Variants in EIF2B3 observed in about 807,000 individuals in gnomAD.
EIF2B3 encodes the protein eukaryotic translation initiation factor 2B subunit gamma.
In EIF2B3, 20 loss-of-function variants were observed where a neutral mutation model predicts 54.1. That is an observed-to-expected ratio of 0.37 (90% CI 0.26 to 0.54). EIF2B3 has a LOEUF of 0.54. EIF2B3 is among the 20% of genes least tolerant of loss of function. EIF2B3 has a pLI of 0.86. For synonymous variants in EIF2B3, 153 were observed against 188.1 expected, an observed-to-expected ratio of 0.81 and a Z score of 1.52; for missense variants, 448 against 547.8, an observed-to-expected ratio of 0.82 and a Z score of 1.82.
chr1:44,878,722 T>C (rs994370095), intron 8 of EIF2B3, among the ~76,000 whole-genome samples: 5 of 151,998 alleles, frequency 3.3e-5, no homozygotes, highest in African/African-American at 1.2e-4. Context: ...GCCACCCCAA[T>C]GTAGTTCCCT....
intron 8 of EIF2B3, 94 bp from the exon 9 acceptor site, chr1:44,875,789 A>C: frequency 3.1e-6 from 3 of 959,732 alleles, no homozygotes; most frequent in African/African-American, 1.6e-5. Flanking sequence ...CCCCCTCCCC[A>C]CGGTCTCCCT....
At chr1:44,880,033 GAAAT>G (rs1655339760) in intron 7 of EIF2B3, 25 bp from the exon 8 acceptor site, 1 of 1,611,564 alleles carries the variant, frequency 6.2e-7, no homozygotes, top group Non-Finnish European at 8.5e-7. Context: ...CCCAACCAAG[GAAAT>G]AAATGAGAGA....
At chr1:44,898,859 T>A (rs1314310040) in intron 5 of EIF2B3, among the ~76,000 whole-genome samples, 1 of 152,070 alleles carries the variant, frequency 6.6e-6, no homozygotes, top group Non-Finnish European at 1.5e-5. Flanking sequence ...GCTGGCTAAT[T>A]TTTTTTATTT....
intron 7 of EIF2B3, 139 bp from the exon 8 acceptor site, chr1:44,880,147 CT>C: frequency 1.1e-6 from 1 of 876,038 alleles, no homozygotes; most frequent in Non-Finnish European, 1.8e-6. Context: ...AACTCCCAGA[CT>C]CAAGGGATCC....
chr1:44,976,500 T>C (rs1351228373), intron 3 of EIF2B3, among the ~76,000 whole-genome samples: 4 of 152,208 alleles, frequency 2.6e-5, no homozygotes, highest in Admixed American at 2.0e-4. Context: ...AAACTGTTGA[T>C]GAAAGTATAA....
intron 6 of EIF2B3, among the ~76,000 whole-genome samples, chr1:44,884,806 T>G (rs1655522271): frequency 6.6e-6 from 1 of 152,126 alleles, no homozygotes; most frequent in African/African-American, 2.4e-5. Context: ...GAACTGTCAC[T>G]GCAAGAGGCA....
chr1:44,901,120 A>AT (rs920893030), intron 5 of EIF2B3, among the ~76,000 whole-genome samples: 47 of 147,596 alleles, frequency 3.2e-4, no homozygotes, highest in Non-Finnish European at 3.9e-4. Context: ...TGAAAAAAAA[A>AT]TTTTTTTTTT....
At chr1:44,871,821 T>A (rs1172493096) in intron 10 of EIF2B3, among the ~76,000 whole-genome samples, 1 of 150,560 alleles carries the variant, frequency 6.6e-6, no homozygotes, top group Non-Finnish European at 1.5e-5. Flanking sequence ...TGAGCTAAGA[T>A]CAAAATAGGG....
chr1:44,934,576 C>T (rs1334103789), intron 4 of EIF2B3, among the ~76,000 whole-genome samples: 1 of 151,746 alleles, frequency 6.6e-6, no homozygotes, highest in East Asian at 1.9e-4. Context: ...GTGATCCCAG[C>T]TCACTACAAC....
intron 4 of EIF2B3, among the ~76,000 whole-genome samples, chr1:44,935,748 A>G (rs72676550): frequency 0.17 from 25,845 of 152,112 alleles, 2,303 homozygotes; most frequent in Non-Finnish European, 0.18. Flanking sequence ...TGATCCTCCC[A>G]CCTTGGCCTC....
intron 4 of EIF2B3, among the ~76,000 whole-genome samples, chr1:44,929,345 T>C (rs1229488895): frequency 6.6e-6 from 1 of 152,326 alleles, no homozygotes; most frequent in East Asian, 1.9e-4. Context: ...ACCAAATATA[T>C]GATTCAATTG....
At chr1:44,870,176 AAGAGAGAG>A (rs57863923) in intron 10 of EIF2B3, among the ~76,000 whole-genome samples, 79 of 146,208 alleles carry the variant, frequency 5.4e-4, no homozygotes, top group Non-Finnish European at 6.9e-4. Context: ...CGTCTCAAAA[AAGAGAGAG>A]AGAGAGAGAG....
At chr1:44,892,979 C>T (rs1193535266) in intron 6 of EIF2B3, among the ~76,000 whole-genome samples, 1 of 152,200 alleles carries the variant, frequency 6.6e-6, no homozygotes, top group Non-Finnish European at 1.5e-5. Context: ...ACTATCTGGT[C>T]CCTCATCTCT....
chr1:44,915,260 G>C (rs562719153), intron 5 of EIF2B3, among the ~76,000 whole-genome samples: 2 of 151,334 alleles, frequency 1.3e-5, no homozygotes, highest in Admixed American at 1.3e-4. Flanking sequence ...AGATTGTGCC[G>C]CTGCACTCCA....
chr1:44,908,239 G>A lies in EIF2B3; in HGVS notation c.567-10795C>T, dbSNP rs1293689378. 2.0e-5 allele frequency among the ~76,000 whole-genome samples: 3 copies of A among 152,234 alleles called. No individual in the cohort carries two copies. In the East Asian group the frequency reaches 5.8e-4, roughly 29 times the overall value. ...TGTCAGGCCATGTATTAGACCTTAG[G>A]CCTACAAAGACAAAATACAACCACT... On this transcript the variant is annotated intron_variant, in intron 5 of 11. Transcript: ENST00000360403.
rs974091702 is a variant in EIF2B3 at position 44,913,300 on chromosome 1, G to GA, written c.566+13327dup. 5.3e-5 allele frequency among the ~76,000 whole-genome samples: 8 copies of GA among 150,268 alleles called. No individual in the cohort carries two copies. The South Asian group carries it at 8.4e-4, about 16-fold the overall frequency. On this transcript the variant is annotated intron_variant, in intron 5 of 11. Transcript: ENST00000360403. ...TTTTTATTTTGATAAATGGATTTAG[G>GA]AAAAAAAAATCCAAAACAAAACCCT...
chr1:44,910,650 TTTTTTTTA>T (rs1217961973), intron 5 of EIF2B3, among the ~76,000 whole-genome samples: 7 of 121,624 alleles, frequency 5.8e-5, no homozygotes, highest in Admixed American at 2.5e-4. Context: ...TTTTTTTTTT[TTTTTTTTA>T]AAAGAGAGAA....
At chr1:44,927,445 G>A (rs1643864956) in intron 4 of EIF2B3, among the ~76,000 whole-genome samples, 1 of 151,978 alleles carries the variant, frequency 6.6e-6, no homozygotes, top group Non-Finnish European at 1.5e-5. Context: ...ACTATCACAA[G>A]AACAGCACCA....
At position 44,850,769 on chromosome 1, in the gene EIF2B3, A is replaced by G; in HGVS notation, c.*182T>C. 1 of 647,760 alleles carries G rather than the reference A, an allele frequency of 1.5e-6. No homozygotes were observed. The highest frequency in any genetic ancestry group is 2.7e-6 in the Non-Finnish European group (1 of 367,240). 40.1% of individuals were successfully genotyped at this position (647,760 alleles called of 1,614,324 possible). On this transcript the variant is annotated 3_prime_UTR_variant, in exon 12 of 12. Coordinates refer to ENST00000360403, the MANE Select transcript of EIF2B3 (RefSeq NM_020365.5). ...CCAGATGATCTTTACCACATGACAC[A>G]TGAACATACACTGTGTACACCTGGA...
Sources: gnomAD v4.1 joint callset for allele counts (sites outside exome capture counted in the v4.1 genomes callset) on GRCh38, gnomAD v4.1.1 for gene constraint, MANE v1.5 for transcripts, NCBI Gene and HGNC (gene_info 2026-07-23, HGNC 2026-07-21) for gene names.